ANPEP: variants seen among roughly 807,000 people sequenced by gnomAD.
ANPEP encodes alanyl aminopeptidase, membrane, also known as aminopeptidase N.
In ANPEP, 70 loss-of-function variants were observed where a neutral mutation model predicts 114.6. The ratio of observed to expected loss-of-function variants is 0.61; its 90% CI spans 0.50 to 0.75. ANPEP has a LOEUF of 0.75. Ranked by LOEUF, ANPEP falls within the 30% of genes least tolerant of loss-of-function variation. ANPEP has a pLI of 0.00. For synonymous variants in ANPEP, 548 were observed against 522.3 expected (o/e 1.05, Z -0.67); for missense variants, 1,184 against 1,259.5 (o/e 0.94, Z 0.91).
intron 1 of ANPEP, among the ~76,000 whole-genome samples, chr15:89,809,713 A>G (rs1215607238): frequency 2.6e-5 from 4 of 152,228 alleles, no homozygotes; most frequent in Non-Finnish European, 5.9e-5. Context: ...ACACGTCAGC[A>G]GAGGGCTCTG....
intron 11 of ANPEP, 78 bp from the exon 12 acceptor site, chr15:89,801,265 G>C: frequency 6.4e-7 from 1 of 1,568,750 alleles, no homozygotes; most frequent in Non-Finnish European, 8.8e-7. Context: ...CAGGCTCCCA[G>C]CTTCTGCCCA....
intron 19 of ANPEP, 114 bp from the exon 20 acceptor site, chr15:89,790,655 G>T: frequency 1.0e-6 from 1 of 967,206 alleles, no homozygotes; most frequent in Non-Finnish European, 1.6e-6. Context: ...GACACGCCCT[G>T]GGAGACCCCA....
rs1452063758 is a variant in ANPEP, at chr15:89,806,070, T to G, written c.514A>C (p.Lys172Gln). 1 of 1,613,918 alleles carries G rather than the reference T, an allele frequency of 6.2e-7. No homozygotes were observed. The highest frequency in any genetic ancestry group is 8.5e-7 in the Non-Finnish European group (1 of 1,179,878). The change falls in exon 2 of 21, where the codon AAG (lysine) becomes CAG (glutamine). Residue 172 changes from lysine (K) to glutamine (Q), a missense_variant. Lys to Gln is a moderately conservative substitution (Grantham distance 53). Transcript: ENST00000300060. This position sits in a 1 kb window ranked among gnomAD's most constrained non-coding sequence, Gnocchi z 5.7. ...CTGTCCATCTCATACTGGCTGTCCTTCACCAGGGAGCCCTTGAGGTGCACC... is the reference window on the plus strand; with the variant it reads ...CTGTCCATCTCATACTGGCTGTCCTGCACCAGGGAGCCCTTGAGGTGCACC... ...LVVHLKGSLV[K>Q]DSQYEMDSEF...
At position 89,803,153 on chromosome 15, in the gene ANPEP, T is replaced by C. The variant is rs1255791193; in HGVS notation, c.1569+86A>G. The C allele has an allele frequency of 1.6e-5, 24 of 1,457,396 alleles. No homozygotes were observed. The East Asian group carries it at 5.0e-4, about 30-fold the overall frequency. 90.3% of individuals were successfully genotyped at this position (1,457,396 alleles called of 1,614,324 possible). Reference sequence around the variant, plus strand: ...CTGGTCAGCCGCGGAGCTGGACCCATTCTCTTACGCATGTGCTGCCCCCAG... The same window carrying C: ...CTGGTCAGCCGCGGAGCTGGACCCACTCTCTTACGCATGTGCTGCCCCCAG... On this transcript the variant is annotated intron_variant, in intron 10 of 20. Coordinates refer to ENST00000300060, the MANE Select transcript of ANPEP (RefSeq NM_001150.3). This position sits in a 1 kb window ranked among gnomAD's most constrained non-coding sequence, Gnocchi z 4.2.
rs755534306 is a variant in ANPEP, at chr15:89,805,371, G to T, written c.707C>A (p.Thr236Lys). ...EPAMKAEFNI[T>K]LIHPKDLTAL... ...TGTCAGGTCCTTGGGGTGGATAAGC[G>T]TGATGTTGAACTCGGCCTTCATGGC... The change falls in exon 3 of 21, where the codon ACG becomes AAG. Residue 236 changes from threonine to lysine, a missense_variant. Transcript: ENST00000300060. 1 of 1,614,166 alleles carries T rather than the reference G, an allele frequency of 6.2e-7. No individual in the cohort carries two copies. The highest frequency in any genetic ancestry group is 1.3e-5 in the African/African-American group (1 of 75,062).
At chr15:89,813,991 T>TGGGGG (rs201152904) in intron 1 of ANPEP, among the ~76,000 whole-genome samples, 317 of 111,194 alleles carry the variant, frequency 2.9e-3, no homozygotes, top group African/African-American at 5.9e-3. Context: ...ACCGCACTGC[T>TGGGGG]GGGGGGGGGG....
chr15:89,812,782 C>G (rs965741650), intron 1 of ANPEP, among the ~76,000 whole-genome samples: 1 of 152,142 alleles, frequency 6.6e-6, no homozygotes, highest in Non-Finnish European at 1.5e-5. Context: ...CAAGGCCACA[C>G]AGCTAGTTAG....
chr15:89,801,735 G>A (rs986813347), intron 10 of ANPEP, 128 bp from the exon 11 acceptor site: 2 of 1,123,696 alleles, frequency 1.8e-6, no homozygotes, highest in African/African-American at 1.6e-5. Context: ...GAAGGGCACT[G>A]GGCTGGGAGC....
At chr15:89,811,930 T>A (rs1894823592) in intron 1 of ANPEP, among the ~76,000 whole-genome samples, 1 of 152,236 alleles carries the variant, frequency 6.6e-6, no homozygotes, top group African/African-American at 2.4e-5. Context: ...TCCCTGCCTA[T>A]GTTTTAGTCC....
At position 89,791,098 on chromosome 15, in the gene ANPEP, G is replaced by A. The variant is rs779764342; in HGVS notation, c.2529-5C>T. The A allele has an allele frequency of 2.5e-6, 4 of 1,613,854 alleles. No homozygotes were observed. The African/African-American group carries it at 4.0e-5, about 16-fold the overall frequency. On this transcript the variant is annotated splice_polypyrimidine_tract_variant and splice_region_variant and intron_variant, in intron 18 of 20. Transcript: ENST00000300060. ...TTCAGGGTGTAGCTCAGGTACCTAA[G>A]AGGGCCAGATGCTGTCTCAGCTACT...
In ANPEP at chr15:89,785,241, G is replaced by A; in HGVS notation, c.*108C>T. On this transcript the variant is annotated 3_prime_UTR_variant, in exon 21 of 21. Coordinates refer to ENST00000300060, the MANE Select transcript of ANPEP (RefSeq NM_001150.3). The stretch of plus-strand genomic sequence containing the variant: ...GGGCTGGAGACTTTGTCCTTGAGGG[G>A]AGGACACTGGTGCCTCGGGCTCCAG... 1 of 1,401,956 alleles carries A rather than the reference G, an allele frequency of 7.1e-7. No homozygotes were observed. Among genetic ancestry groups the A allele is most frequent in the East Asian group, 2.3e-5 (1 of 43,540 alleles). The allele number at this position is 1,401,956 out of a possible 1,614,324, so 86.8% of individuals were successfully genotyped here. A position where few individuals can be genotyped will look rare whatever the true frequency, so the allele number is the denominator to read the frequency against.
intron 15 of ANPEP, 102 bp downstream of exon 15, chr15:89,797,473 C>T: frequency 7.0e-7 from 1 of 1,438,542 alleles, no homozygotes; most frequent in East Asian, 2.5e-5. Context: ...TGAAGGTTCC[C>T]TGACCAGGAG....
chr15:89,813,999 G>T (rs576956830), intron 1 of ANPEP, among the ~76,000 whole-genome samples: 19 of 151,248 alleles, frequency 1.3e-4, no homozygotes, highest in African/African-American at 9.8e-5. Flanking sequence ...GCTGGGGGGG[G>T]GGGGTGCGTT....
At chr15:89,787,040 C>CTTTTTTT (rs1015822999) in intron 20 of ANPEP, among the ~76,000 whole-genome samples, 1 of 91,042 alleles carries the variant, frequency 1.1e-5, no homozygotes, top group Admixed American at 1.5e-4. Flanking sequence ...TAATAAAACT[C>CTTTTTTT]TTTTTTTTTT....
chr15:89,786,055 G>A (rs189888629), intron 20 of ANPEP, among the ~76,000 whole-genome samples: 1 of 152,288 alleles, frequency 6.6e-6, no homozygotes, highest in Admixed American at 6.5e-5. Flanking sequence ...AATGATTTCT[G>A]CAAGGTTGCA....
intron 15 of ANPEP, among the ~76,000 whole-genome samples, chr15:89,797,226 G>T (rs1166083387): frequency 6.6e-6 from 1 of 152,168 alleles, no homozygotes; most frequent in South Asian, 2.1e-4. Flanking sequence ...CTGGCCCTCA[G>T]CATGGTGGCC....
At chr15:89,791,450 T>C (rs1231095310) in intron 18 of ANPEP, among the ~76,000 whole-genome samples, 1 of 151,708 alleles carries the variant, frequency 6.6e-6, no homozygotes, top group Non-Finnish European at 1.5e-5. Flanking sequence ...TCTTTTCTTT[T>C]CTTTCGAGAC....
At chr15:89,804,700 T>TG (rs1486221458) in intron 4 of ANPEP, 83 bp from the exon 5 acceptor site, 1 of 1,548,210 alleles carries the variant, frequency 6.5e-7, no homozygotes, top group Non-Finnish European at 8.7e-7. Context: ...CCCAGTGGGC[T>TG]GGGGGGATCC....
intron 20 of ANPEP, among the ~76,000 whole-genome samples, chr15:89,786,386 C>CTT (rs57614547): frequency 0.31 from 40,891 of 130,162 alleles, 6,857 homozygotes; most frequent in South Asian, 0.38. Context: ...ATTTTAACTA[C>CTT]TTTTTTTTTT....
Sources: allele counts gnomAD v4.1 joint callset (sites outside exome capture counted in the v4.1 genomes callset), GRCh38; gene constraint gnomAD v4.1.1; non-coding constraint Gnocchi (gnomAD v3.1); transcripts MANE v1.5; gene names NCBI Gene and HGNC (gene_info 2026-07-23, HGNC 2026-07-21).